The following CADM2 variants were observed in gnomAD, a reference collection of about 807,000 sequenced individuals.
CADM2 encodes the protein immunoglobulin superfamily member 4D.
Under a neutral mutation model 49.8 loss-of-function variants are expected in CADM2, and 12 were observed. That is an observed-to-expected ratio of 0.24 (90% CI 0.15 to 0.39). The LOEUF (loss-of-function observed/expected upper bound fraction) is 0.39, where lower values mean the gene tolerates loss of function less well. Ranked by LOEUF, CADM2 falls within the 10% of genes least tolerant of loss-of-function variation. The pLI is 1.00. For missense variants in CADM2, 378 were observed against 492.3 expected (o/e 0.77, Z 2.20); for synonymous variants, 214 against 175.4 (o/e 1.22, Z -1.74).
chr3:85,262,055 C>G (rs914061506), intron 1 of CADM2, among the ~76,000 whole-genome samples: 4 of 152,020 alleles, frequency 2.6e-5, no homozygotes, highest in African/African-American at 9.7e-5. Flanking sequence ...ACATCTTTGG[C>G]TGGTAACTTA....
chr3:85,926,414 C>T (rs1035662855), intron 6 of CADM2, among the ~76,000 whole-genome samples: 3 of 151,962 alleles, frequency 2.0e-5, no homozygotes, highest in Admixed American at 2.0e-4. Context: ...TGAAATTGTA[C>T]TCAGATGAGA....
chr3:85,996,158 G>A (rs1008672597), intron 8 of CADM2, among the ~76,000 whole-genome samples: 1 of 150,582 alleles, frequency 6.6e-6, no homozygotes, highest in Non-Finnish European at 1.5e-5. Context: ...AATATTGTAA[G>A]ACAAAAGCAG....
intron 2 of CADM2, among the ~76,000 whole-genome samples, chr3:85,788,732 C>T (rs1387219941): frequency 6.6e-6 from 1 of 151,424 alleles, no homozygotes; most frequent in Non-Finnish European, 1.5e-5. Flanking sequence ...AGACTGAAGT[C>T]CTAGTATCTT....
At chr3:85,511,737 A>G (rs980466175) in intron 1 of CADM2, 17 of 250,908 alleles carry the variant, frequency 6.8e-5, no homozygotes, top group Non-Finnish European at 3.8e-5. Flanking sequence ...GGTGCAAAAG[A>G]AAATAGAGGT....
intron 1 of CADM2, among the ~76,000 whole-genome samples, chr3:85,075,852 G>A (rs1219526087): frequency 6.6e-6 from 1 of 152,040 alleles, no homozygotes; most frequent in Non-Finnish European, 1.5e-5. Context: ...TTACATTCTT[G>A]AGAGTTTATA....
At chr3:85,053,603 G>A (rs111692197) in intron 1 of CADM2, among the ~76,000 whole-genome samples, 16 of 152,008 alleles carry the variant, frequency 1.1e-4, no homozygotes, top group African/African-American at 3.4e-4. Flanking sequence ...AAAGAAGAAT[G>A]TTCTAGAAAT....
intron 1 of CADM2, among the ~76,000 whole-genome samples, chr3:85,338,101 A>T (rs986486857): frequency 2.0e-5 from 3 of 151,636 alleles, no homozygotes; most frequent in Non-Finnish European, 4.4e-5. Flanking sequence ...TGATATTAAC[A>T]TTCCTTATCA....
intron 5 of CADM2, among the ~76,000 whole-genome samples, chr3:85,890,690 GACTTTTTTTTTTCTTTTTTTCATT>G (rs1474038013): frequency 6.1e-5 from 8 of 131,230 alleles, no homozygotes; most frequent in Non-Finnish European, 1.1e-4. Flanking sequence ...AAAAAAGAAA[GACTTTTTTTTTTCTTTTTTTCATT>G]ACTGAGATCC....
At chr3:85,720,826 G>T (rs2067477249) in intron 1 of CADM2, among the ~76,000 whole-genome samples, 1 of 152,142 alleles carries the variant, frequency 6.6e-6, no homozygotes, top group South Asian at 2.1e-4. Context: ...CTCTACAGCA[G>T]ATATTTTAAT....
In CADM2 at chr3:85,099,932, A is replaced by G. The variant is rs140996681; in HGVS notation, c.61+140264A>G. On this transcript the variant is annotated intron_variant, in intron 1 of 9. Coordinates refer to ENST00000383699, the MANE Select transcript of CADM2 (RefSeq NM_001167675.2). The stretch of plus-strand genomic sequence containing the variant: ...CATAAAACCATATCTATCATGACTC[A>G]TTTAAAAAGTTTATAATTGAATTTT... Among the ~76,000 whole-genome samples, 1,050 of 152,268 alleles carry G rather than the reference A, an allele frequency of 6.9e-3. 9 individuals carry two copies. The highest frequency in any genetic ancestry group is 0.01 in the Non-Finnish European group (685 of 68,020).
chr3:85,397,596 G>C (rs2034856822), intron 1 of CADM2, among the ~76,000 whole-genome samples: 1 of 152,330 alleles, frequency 6.6e-6, no homozygotes, highest in South Asian at 2.1e-4. Context: ...GAGGAAACTT[G>C]AAACTATTAT....
chr3:85,618,182 T>C (rs1483925146), intron 1 of CADM2, among the ~76,000 whole-genome samples: 1 of 152,188 alleles, frequency 6.6e-6, no homozygotes, highest in African/African-American at 2.4e-5. Flanking sequence ...GCTAAATTAA[T>C]AGACAATTTA....
At chr3:85,468,993 G>A (rs2038648495) in intron 1 of CADM2, among the ~76,000 whole-genome samples, 1 of 152,124 alleles carries the variant, frequency 6.6e-6, no homozygotes, top group African/African-American at 2.4e-5. Context: ...CATGGGGAGG[G>A]AAAATAATTA....
chr3:85,386,719 C>T (rs967373791), intron 1 of CADM2, among the ~76,000 whole-genome samples: 5 of 152,010 alleles, frequency 3.3e-5, no homozygotes, highest in Non-Finnish European at 7.4e-5. Flanking sequence ...GTGAAAACAC[C>T]GTGAATACTA....
chr3:85,905,185 C>T (rs976160110), intron 5 of CADM2, among the ~76,000 whole-genome samples: 1 of 152,068 alleles, frequency 6.6e-6, no homozygotes, highest in African/African-American at 2.4e-5. Flanking sequence ...GGACTCTAAT[C>T]TAGTTGATCT....
chr3:85,687,328 C>T (rs1052271458), intron 1 of CADM2, among the ~76,000 whole-genome samples: 1 of 151,996 alleles, frequency 6.6e-6, no homozygotes, highest in African/African-American at 2.4e-5. Context: ...ATTACTTTAG[C>T]CATAGTTGCT....
At chr3:86,049,380 T>A (rs1480213514) in intron 8 of CADM2, among the ~76,000 whole-genome samples, 1 of 151,672 alleles carries the variant, frequency 6.6e-6, no homozygotes, top group East Asian at 1.9e-4. Flanking sequence ...GTTCACGCCA[T>A]CCTCCTGCCT....
chr3:85,536,826 T>A (rs994071248), intron 1 of CADM2, among the ~76,000 whole-genome samples: 7 of 151,924 alleles, frequency 4.6e-5, no homozygotes, highest in African/African-American at 1.7e-4. Flanking sequence ...TATATTTAAT[T>A]GATGTTTATA....
At chr3:85,953,120 T>C (rs1241699656) in intron 7 of CADM2, among the ~76,000 whole-genome samples, 1 of 150,914 alleles carries the variant, frequency 6.6e-6, no homozygotes, top group Non-Finnish European at 1.5e-5. Context: ...TCATTCTCTC[T>C]TCTATATTGG....
Sources: allele counts gnomAD v4.1 joint callset (sites outside exome capture counted in the v4.1 genomes callset), GRCh38; gene constraint gnomAD v4.1.1; transcripts MANE v1.5; gene names NCBI Gene and HGNC (gene_info 2026-07-23, HGNC 2026-07-21).